MYO3B: variants seen among roughly 807,000 people sequenced by gnomAD.
The protein encoded by MYO3B is myosin IIIB.
A neutral mutation model predicts 174.6 loss-of-function variants in MYO3B; 156 were observed. The ratio of observed to expected loss-of-function variants is 0.89; its 90% CI spans 0.78 to 1.02. The LOEUF is 1.02. MYO3B is among the 50% of genes least tolerant of loss of function. The pLI, the probability that MYO3B is intolerant of heterozygous loss-of-function variation, is 0.00. For missense variants in MYO3B, 1,632 were observed against 1,639.4 expected (o/e 1.00, Z 0.08); for synonymous variants, 563 against 569.1 (o/e 0.99, Z 0.15).
chr2:170,183,735 G>C (rs2032964), intron 1 of MYO3B, among the ~76,000 whole-genome samples: 65,007 of 151,874 alleles, frequency 0.43, 15,170 homozygotes, highest in East Asian at 0.57. Flanking sequence ...GTGTTTGTGA[G>C]AGATACTTGT....
intron 32 of MYO3B, among the ~76,000 whole-genome samples, chr2:170,620,029 G>A (rs1204720940): frequency 3.9e-5 from 6 of 152,136 alleles, no homozygotes; most frequent in South Asian, 4.2e-4. Flanking sequence ...TAAACAGAAT[G>A]TGAATACCAA....
In MYO3B at chr2:170,285,206, G is replaced by A. The variant is rs569905782; in HGVS notation, c.749+49070G>A. 1.8e-4 allele frequency among the ~76,000 whole-genome samples: 27 copies of A among 152,256 alleles called. No homozygotes were observed. The South Asian group carries it at 5.4e-3, about 30-fold the overall frequency. On this transcript the variant is annotated intron_variant, in intron 7 of 34. Coordinates refer to ENST00000408978, the MANE Select transcript of MYO3B (RefSeq NM_138995.5). ...GGACAAGGGTGAAGATTTCTCTGGA[G>A]GACATTTCCAGAAGTAGAATTTTGA...
chr2:170,520,510 CACAT>C (rs911128266), intron 30 of MYO3B, among the ~76,000 whole-genome samples: 3 of 151,448 alleles, frequency 2.0e-5, no homozygotes, highest in African/African-American at 7.3e-5. Context: ...TACACACACA[CACAT>C]ATATATATAA....
Position 170,399,260 on chromosome 2 carries a change from AAAAAAAGAGAG to A in MYO3B, c.1792-926_1792-916del, listed in dbSNP as rs1364622513. 6.7e-4 allele frequency among the ~76,000 whole-genome samples: 82 copies of A among 123,094 alleles called. 11 individuals carry two copies. Among genetic ancestry groups the A allele is most frequent in the African/African-American group, 1.5e-3 (48 of 32,460 alleles). 80.8% of individuals were successfully genotyped at this position (123,094 alleles called of 152,430 possible). A position where few individuals can be genotyped will look rare whatever the true frequency, so the allele number is the denominator to read the frequency against. Reference sequence around the variant, plus strand: ...TCCGTCTCAAAAAAAAAAAAAAAAAAAAAAAAGAGAGAGACCAGTCTGGCCAACAGGGCAAA... The same window carrying A: ...TCCGTCTCAAAAAAAAAAAAAAAAAAAGACCAGTCTGGCCAACAGGGCAAA... On this transcript the variant is annotated intron_variant, in intron 16 of 34. Coordinates refer to ENST00000408978, the MANE Select transcript of MYO3B (RefSeq NM_138995.5).
At chr2:170,636,692 A>G (rs1234513718) in intron 32 of MYO3B, among the ~76,000 whole-genome samples, 2 of 152,196 alleles carry the variant, frequency 1.3e-5, no homozygotes, top group African/African-American at 2.4e-5. Context: ...ATGGATGTCC[A>G]AGATCATTCC....
Position 170,573,210 on chromosome 2 carries a change from A to G in MYO3B, c.3733+29222A>G, listed in dbSNP as rs116030093. Reference sequence around the variant, plus strand: ...TATGTAGTAAACATATGTAATAAACATATATGTATACTGTGTGTATATATA... The same window carrying G: ...TATGTAGTAAACATATGTAATAAACGTATATGTATACTGTGTGTATATATA... On this transcript the variant is annotated intron_variant, in intron 32 of 34. Coordinates refer to ENST00000408978, the MANE Select transcript of MYO3B (RefSeq NM_138995.5). Among the ~76,000 whole-genome samples, 467 of 119,116 alleles carry G rather than the reference A, an allele frequency of 3.9e-3. 5 individuals are homozygous for G. Among genetic ancestry groups the G allele is most frequent in the African/African-American group, 0.015 (439 of 30,216 alleles). 78.1% of individuals were successfully genotyped at this position (119,116 alleles called of 152,430 possible).
At chr2:170,482,312 G>A (rs1685748210) in intron 25 of MYO3B, among the ~76,000 whole-genome samples, 1 of 152,110 alleles carries the variant, frequency 6.6e-6, no homozygotes, top group Admixed American at 6.6e-5. Flanking sequence ...GCACCACCAT[G>A]CCTAACTAAT....
intron 3 of MYO3B, among the ~76,000 whole-genome samples, chr2:170,208,832 C>T (rs1313722895): frequency 1.3e-5 from 2 of 152,130 alleles, no homozygotes. Context: ...ATTGTTTCTA[C>T]ATAGGCCTTT....
At chr2:170,385,261 T>G (rs927500730) in intron 12 of MYO3B, among the ~76,000 whole-genome samples, 2 of 152,188 alleles carry the variant, frequency 1.3e-5, no homozygotes, top group Non-Finnish European at 2.9e-5. Context: ...AAATCCCCTC[T>G]TCTTTCTAGA....
At chr2:170,290,772 C>T (rs934251581) in intron 7 of MYO3B, among the ~76,000 whole-genome samples, 1 of 152,014 alleles carries the variant, frequency 6.6e-6, no homozygotes, top group African/African-American at 2.4e-5. Flanking sequence ...TTCCTGTCTT[C>T]CTTTGTGGTT....
intron 25 of MYO3B, among the ~76,000 whole-genome samples, chr2:170,483,895 T>A (rs1685861532): frequency 6.6e-6 from 1 of 152,066 alleles, no homozygotes; most frequent in Non-Finnish European, 1.5e-5. Flanking sequence ...GGCCTTGGAA[T>A]CCCTCCCAAC....
chr2:170,376,925 G>A (rs975452441), intron 9 of MYO3B, among the ~76,000 whole-genome samples: 1 of 152,296 alleles, frequency 6.6e-6, no homozygotes, highest in East Asian at 1.9e-4. Context: ...ATGATTTAGA[G>A]CACCTTTTTC....
Position 170,404,388 on chromosome 2 carries a change from C to A in MYO3B, c.2419C>A (p.Gln807Lys), listed in dbSNP as rs368014586. ...AAGTCGGTTTCCCCAAGCAACTGAC[C>A]AGACCCTGGTTGGTAGGTAACTTCT... ...EESRFPQATD[Q>K]TLVDKFEDNL... Residue 807 changes from glutamine to lysine, a missense_variant, in exon 20 of 35, where the codon CAG becomes AAG. Transcript: ENST00000408978. 10 of 1,610,750 alleles carry A rather than the reference C, an allele frequency of 6.2e-6. No homozygotes were observed. The highest frequency in any genetic ancestry group is 4.0e-5 in the African/African-American group (3 of 74,750).
Position 170,499,680 on chromosome 2 carries a change from A to T in MYO3B, c.3161A>T (p.Asn1054Ile), listed in dbSNP as rs745464182. Residue 1054 changes from asparagine (N) to isoleucine (I), a missense_variant, in exon 27 of 35, where the codon AAT becomes ATT. Transcript: ENST00000408978. ...FLKYYHVEQL[N>I]LLLREVIGRV... ...AAATATTACCATGTTGAGCAATTAAATTTGCTGCTTCGAGAAGTCATAGGC... is the reference window on the plus strand; with the variant it reads ...AAATATTACCATGTTGAGCAATTAATTTTGCTGCTTCGAGAAGTCATAGGC... The T allele has an allele frequency of 6.2e-7, 1 of 1,614,134 alleles. No individual in the cohort carries two copies. Among genetic ancestry groups the T allele is most frequent in the Non-Finnish European group, 8.5e-7 (1 of 1,179,978 alleles).
At chr2:170,474,972 T>C (rs901219112) in intron 25 of MYO3B, among the ~76,000 whole-genome samples, 4 of 152,104 alleles carry the variant, frequency 2.6e-5, no homozygotes, top group African/African-American at 9.7e-5. Context: ...ATATATATAG[T>C]TACTATCGTT....
chr2:170,546,381 T>A (rs1356954866), intron 32 of MYO3B, among the ~76,000 whole-genome samples: 1 of 152,230 alleles, frequency 6.6e-6, no homozygotes, highest in Non-Finnish European at 1.5e-5. Flanking sequence ...GAAGCAAGAA[T>A]GAAATGAAAC....
intron 26 of MYO3B, among the ~76,000 whole-genome samples, chr2:170,499,239 T>C (rs1162420514): frequency 2.6e-5 from 4 of 152,192 alleles, no homozygotes; most frequent in Non-Finnish European, 5.9e-5. Context: ...CAGCAGAAAT[T>C]AGATCACTGT....
In MYO3B at chr2:170,499,766, G is replaced by T; in HGVS notation, c.3247G>T (p.Val1083Phe). The part of the protein sequence containing the change: ...GWLGARRYKR[V>F]REKREKGAIA... ...GCTTGGAGCCAGGAGATACAAAAGG[G>T]TCAGAGAGAAGAGAGAGAAGGGAGC... is the stretch of plus-strand genomic sequence containing the variant. Residue 1083 changes from valine (V) to phenylalanine (F), a missense_variant, in exon 27 of 35, where the codon GTC (valine) becomes TTC (phenylalanine). Transcript: ENST00000408978. 2 of 1,614,064 alleles carry T rather than the reference G, an allele frequency of 1.2e-6. No individual in the cohort carries two copies. Among genetic ancestry groups the T allele is most frequent in the Non-Finnish European group, 1.7e-6 (2 of 1,179,946 alleles).
intron 15 of MYO3B, among the ~76,000 whole-genome samples, chr2:170,391,992 A>C (rs1033845008): frequency 6.6e-6 from 1 of 151,258 alleles, no homozygotes; most frequent in African/African-American, 2.4e-5. Context: ...CTGTCTCTAC[A>C]ATTTTTTTTT....
Sources: allele counts gnomAD v4.1 joint callset (sites outside exome capture counted in the v4.1 genomes callset), GRCh38; gene constraint gnomAD v4.1.1; transcripts MANE v1.5; gene names NCBI Gene and HGNC (gene_info 2026-07-23, HGNC 2026-07-21).